TNRC6B: variants seen among roughly 807,000 people sequenced by gnomAD.
TNRC6B encodes trinucleotide repeat-containing gene 6B protein.
A neutral mutation model predicts 203.6 loss-of-function variants in TNRC6B; 52 were observed. That is an observed-to-expected ratio of 0.26 (90% confidence interval 0.20 to 0.32). TNRC6B has a LOEUF of 0.32. TNRC6B is among the 10% of genes least tolerant of loss of function. TNRC6B has a pLI of 1.00. For synonymous variants in TNRC6B, 838 were observed against 845.7 expected (o/e 0.99, Z 0.16); for missense variants, 1,923 against 2,286.2 (o/e 0.84, Z 3.24).
upstream of TNRC6B, among the ~76,000 whole-genome samples, chr22:40,175,465 C>T (rs1483937801): frequency 6.6e-6 from 1 of 152,130 alleles, no homozygotes; most frequent in Admixed American, 6.5e-5. Flanking sequence ...TGCTATTTAA[C>T]ACTTACAAGG....
At chr22:40,130,779 T>TAAA (rs200268757) in intron 3 of TNRC6B, among the ~76,000 whole-genome samples, 46 of 65,014 alleles carry the variant, frequency 7.1e-4, no homozygotes, top group Admixed American at 1.5e-3. Context: ...AGACTCCGTC[T>TAAA]AAAAAAAAAA....
intron 3 of TNRC6B, among the ~76,000 whole-genome samples, chr22:40,151,980 AAG>A (rs1477372905): frequency 6.6e-6 from 1 of 152,150 alleles, no homozygotes; most frequent in Admixed American, 6.5e-5. Context: ...ACTGTCAAAT[AAG>A]TAGAGAAAAT....
intron 1 of TNRC6B, among the ~76,000 whole-genome samples, chr22:40,192,798 CA>C (rs2069290889): frequency 6.6e-6 from 1 of 152,116 alleles, no homozygotes. Context: ...GTGGGATGAA[CA>C]GCAGGGGTAG....
chr22:40,260,144 A>G (rs2070355232), intron 3 of TNRC6B, among the ~76,000 whole-genome samples: 1 of 152,254 alleles, frequency 6.6e-6, no homozygotes, highest in Non-Finnish European at 1.5e-5. Context: ...GATTTAAAGT[A>G]AACAGAAAAA....
At chr22:40,227,695 T>C (rs2069810706) in intron 1 of TNRC6B, among the ~76,000 whole-genome samples, 1 of 152,188 alleles carries the variant, frequency 6.6e-6, no homozygotes, top group African/African-American at 2.4e-5. Context: ...GTGATTTTGA[T>C]GTTGAACTGC....
intron 9 of TNRC6B, among the ~76,000 whole-genome samples, chr22:40,279,508 A>G (rs1411279930): frequency 6.6e-6 from 1 of 152,110 alleles, no homozygotes; most frequent in Admixed American, 6.5e-5. Flanking sequence ...TAAGTTCTAA[A>G]TTTTAGGGCA....
chr22:40,192,448 C>G (rs1235750947), intron 1 of TNRC6B, among the ~76,000 whole-genome samples: 2 of 152,124 alleles, frequency 1.3e-5, no homozygotes, highest in African/African-American at 4.8e-5. Context: ...GAAACCCCGT[C>G]TCTACTAAAA....
chr22:40,164,982 A>T (rs998826034), intron 4 of TNRC6B, among the ~76,000 whole-genome samples: 1 of 150,820 alleles, frequency 6.6e-6, no homozygotes, highest in Non-Finnish European at 1.5e-5. Flanking sequence ...CGGTTTCAGC[A>T]TGTTGGCCAG....
At chr22:40,175,305 C>T (rs2069045110), upstream of TNRC6B, among the ~76,000 whole-genome samples, 1 of 151,796 alleles carries the variant, frequency 6.6e-6, no homozygotes, top group South Asian at 2.1e-4. Flanking sequence ...TCCTGTGAGC[C>T]GATACCATGC....
At chr22:40,119,800 G>A (rs1178990091) in intron 2 of TNRC6B, among the ~76,000 whole-genome samples, 1 of 152,108 alleles carries the variant, frequency 6.6e-6, no homozygotes, top group South Asian at 2.1e-4. Flanking sequence ...TTAGTTAACC[G>A]CACACTTCTG....
Position 40,327,100 on chromosome 22 carries a change from C to T in TNRC6B, c.*3859C>T, listed in dbSNP as rs1475903374. 5 of 152,898 alleles carry T rather than the reference C, an allele frequency of 3.3e-5. No homozygotes were observed. Among genetic ancestry groups the T allele is most frequent in the African/African-American group, 1.2e-4 (5 of 41,454 alleles). The allele number at this position is 152,898 out of a possible 1,614,324, so 9.5% of individuals were successfully genotyped here. A position where few individuals can be genotyped will look rare whatever the true frequency, so the allele number is the denominator to read the frequency against. ...ACCACAGCTTCTTTTAAACATTAAG[C>T]TTCCCAGTGGGAAGGAAACTCCAGC... is the stretch of plus-strand genomic sequence containing the variant. On this transcript the variant is annotated 3_prime_UTR_variant, in exon 23 of 23. Coordinates refer to ENST00000454349, the MANE Select transcript of TNRC6B (RefSeq NM_001162501.2).
chr22:40,117,446 A>AGGGTT lies in TNRC6B; in HGVS notation c.-47+318_-47+319insGGGTT, dbSNP rs1343273843. ...CTTTCCCTGCTGCGGTCTGTAGTCC[A>AGGGTT]CATTACTGCCAGGGTTCACTTTCTG... is the stretch of plus-strand genomic sequence containing the variant. On this transcript the variant is annotated intron_variant, in intron 2 of 23. Transcript: ENST00000301923. Among the ~76,000 whole-genome samples the AGGGTT allele has an allele frequency of 1.0e-3, 153 of 152,290 alleles. 1 individual carries two copies. The highest frequency in any genetic ancestry group is 1.5e-3 in the Non-Finnish European group (103 of 68,024).
intron 3 of TNRC6B, among the ~76,000 whole-genome samples, chr22:40,134,045 A>G (rs367889848): frequency 2.0e-5 from 3 of 151,672 alleles, no homozygotes; most frequent in South Asian, 2.1e-4. Context: ...TGTGTTTCAG[A>G]TATCTTGATG....
At chr22:40,194,302 A>C (rs978786919) in intron 1 of TNRC6B, among the ~76,000 whole-genome samples, 2 of 152,200 alleles carry the variant, frequency 1.3e-5, no homozygotes, top group Non-Finnish European at 2.9e-5. Flanking sequence ...TTTCATCTTC[A>C]TGAAGACCCT....
chr22:40,156,575 T>C (rs1002697399), intron 4 of TNRC6B, among the ~76,000 whole-genome samples: 4 of 152,280 alleles, frequency 2.6e-5, no homozygotes, highest in Admixed American at 2.0e-4. Flanking sequence ...AGTGTGAATT[T>C]ATTTGAATGG....
chr22:40,132,969 A>ATAT (rs1555884686), intron 3 of TNRC6B, among the ~76,000 whole-genome samples: 166 of 78,190 alleles, frequency 2.1e-3, no homozygotes, highest in African/African-American at 6.1e-3. Context: ...AAAAAAAAAA[A>ATAT]ATATATATAT....
intron 1 of TNRC6B, among the ~76,000 whole-genome samples, chr22:40,096,747 T>C (rs1228145670): frequency 6.6e-6 from 1 of 152,212 alleles, no homozygotes; most frequent in Middle Eastern, 3.2e-3. Context: ...CCAGAAAGCA[T>C]AATGTTAGAT....
At chr22:40,231,671 T>A (rs988190694) in intron 1 of TNRC6B, among the ~76,000 whole-genome samples, 1 of 152,196 alleles carries the variant, frequency 6.6e-6, no homozygotes, top group Non-Finnish European at 1.5e-5. Flanking sequence ...ATTTTCCAAA[T>A]AGGAAAGATT....
At chr22:40,096,713 TA>T (rs928041050) in intron 1 of TNRC6B, among the ~76,000 whole-genome samples, 11 of 152,214 alleles carry the variant, frequency 7.2e-5, no homozygotes, top group South Asian at 4.1e-4. Context: ...CGAATGTCTA[TA>T]AAAAAAAGTT....
Sources: allele counts gnomAD v4.1 joint callset (sites outside exome capture counted in the v4.1 genomes callset), GRCh38; gene constraint gnomAD v4.1.1; transcripts MANE v1.5; gene names NCBI Gene and HGNC (gene_info 2026-07-23, HGNC 2026-07-21).